MAGI2: variants seen among roughly 807,000 people sequenced by gnomAD.
MAGI2 encodes membrane associated guanylate kinase, WW and PDZ domain containing 2.
MAGI2 carries 35 observed loss-of-function variants against 133.3 expected under a neutral mutation model. That is an observed-to-expected ratio of 0.26 (90% CI 0.20 to 0.35). The LOEUF (loss-of-function observed/expected upper bound fraction) is 0.35. MAGI2 is among the 10% of genes least tolerant of loss of function. The pLI is 1.00. For missense variants in MAGI2, 1,636 were observed against 1,863.4 expected (o/e 0.88, Z 2.25); for synonymous variants, 729 against 710.6 (o/e 1.03, Z -0.41).
intron 7 of MAGI2, among the ~76,000 whole-genome samples, chr7:78,357,746 C>CA (rs1554363086): frequency 6.6e-6 from 1 of 150,986 alleles, no homozygotes; most frequent in Non-Finnish European, 1.5e-5. Flanking sequence ...AACAAAGAGC[C>CA]TTTTTTTTTC....
At chr7:78,630,400 T>C (rs1808840117) in intron 2 of MAGI2, among the ~76,000 whole-genome samples, 1 of 148,592 alleles carries the variant, frequency 6.7e-6, no homozygotes. Flanking sequence ...GTGTACTGAC[T>C]TTTTGTGTTT....
intron 2 of MAGI2, among the ~76,000 whole-genome samples, chr7:78,794,453 C>T (rs756732485): frequency 4.6e-5 from 7 of 152,094 alleles, no homozygotes; most frequent in Non-Finnish European, 1.0e-4. Flanking sequence ...AGACAGATAA[C>T]ATAAATTTTG....
At chr7:79,189,215 A>C (rs1827433039) in intron 1 of MAGI2, among the ~76,000 whole-genome samples, 1 of 150,188 alleles carries the variant, frequency 6.7e-6, no homozygotes, top group Admixed American at 6.7e-5. Flanking sequence ...CTGTTCTCAT[A>C]GGGAGTTCTA....
At chr7:78,692,349 T>C (rs527526750) in intron 2 of MAGI2, among the ~76,000 whole-genome samples, 7 of 152,208 alleles carry the variant, frequency 4.6e-5, no homozygotes, top group Non-Finnish European at 1.5e-5. Flanking sequence ...TGTCCACGGC[T>C]TCCCTCTAGA....
chr7:78,072,169 C>A (rs1388770427), intron 21 of MAGI2, among the ~76,000 whole-genome samples: 1 of 152,042 alleles, frequency 6.6e-6, no homozygotes, highest in Non-Finnish European at 1.5e-5. Flanking sequence ...AGAGATTTAC[C>A]CCCACTCAGC....
At chr7:78,513,190 A>C (rs1272209183) in intron 4 of MAGI2, among the ~76,000 whole-genome samples, 3 of 152,178 alleles carry the variant, frequency 2.0e-5, no homozygotes, top group Non-Finnish European at 2.9e-5. Flanking sequence ...GTTCCAGGAA[A>C]TTCAAAGGAG....
At chr7:78,499,565 G>A (rs1275668511) in intron 5 of MAGI2, among the ~76,000 whole-genome samples, 1 of 152,136 alleles carries the variant, frequency 6.6e-6, no homozygotes, top group Non-Finnish European at 1.5e-5. Context: ...TGGAACATAA[G>A]TTCTGTCTTT....
chr7:78,306,380 G>A (rs62463914), intron 9 of MAGI2, among the ~76,000 whole-genome samples: 6,945 of 152,188 alleles, frequency 0.046, 227 homozygotes, highest in South Asian at 0.12. Context: ...ACAGCACTTC[G>A]ATAAGTTATT....
intron 1 of MAGI2, chr7:79,410,620 T>C (rs1230133091): frequency 6.6e-6 from 1 of 152,104 alleles, no homozygotes; most frequent in Admixed American, 6.6e-5. Flanking sequence ...AAGGAAACAA[T>C]TAATTGACTA....
intron 1 of MAGI2, among the ~76,000 whole-genome samples, chr7:79,376,836 G>A: frequency 6.9e-6 from 1 of 145,232 alleles, no homozygotes; most frequent in Non-Finnish European, 1.5e-5. Flanking sequence ...GTGTGTGTGT[G>A]TGTGGGTGTA....
At chr7:78,679,601 A>T (rs897435245) in intron 2 of MAGI2, among the ~76,000 whole-genome samples, 1 of 152,210 alleles carries the variant, frequency 6.6e-6, no homozygotes, top group Non-Finnish European at 1.5e-5. Context: ...TCAAAGACAG[A>T]AAGTGTTCAC....
chr7:78,730,670 T>C (rs1045362662), intron 2 of MAGI2, among the ~76,000 whole-genome samples: 1 of 151,974 alleles, frequency 6.6e-6, no homozygotes, highest in African/African-American at 2.4e-5. Context: ...CACGGTAGAG[T>C]TGACTTTTAA....
At chr7:78,282,592 T>G (rs1243269459) in intron 9 of MAGI2, among the ~76,000 whole-genome samples, 1 of 152,066 alleles carries the variant, frequency 6.6e-6, no homozygotes, top group Non-Finnish European at 1.5e-5. Context: ...ACTGTAAGTT[T>G]CAGGAAAAAA....
chr7:79,007,889 A>G (rs1400261059), intron 1 of MAGI2, among the ~76,000 whole-genome samples: 1 of 151,262 alleles, frequency 6.6e-6, no homozygotes, highest in Non-Finnish European at 1.5e-5. Flanking sequence ...GTTTGAAAGA[A>G]TGTAGGGTTT....
intron 10 of MAGI2, among the ~76,000 whole-genome samples, chr7:78,228,097 C>T (rs535265568): frequency 6.6e-6 from 1 of 152,260 alleles, no homozygotes; most frequent in African/African-American, 2.4e-5. Context: ...ATTTTATGGA[C>T]ATTGAAATTT....
chr7:78,280,342 G>T (rs181344626), intron 9 of MAGI2, among the ~76,000 whole-genome samples: 98 of 152,202 alleles, frequency 6.4e-4, no homozygotes, highest in Middle Eastern at 3.4e-3. Context: ...TACCAAATTT[G>T]TATCTAATTT....
intron 21 of MAGI2, among the ~76,000 whole-genome samples, chr7:78,058,647 C>T (rs879515615): frequency 4.6e-5 from 7 of 151,908 alleles, no homozygotes; most frequent in Non-Finnish European, 8.8e-5. Context: ...AATTGTAATC[C>T]CAAAGTGCTG....
At chr7:78,889,146 T>A (rs1194002008) in intron 2 of MAGI2, among the ~76,000 whole-genome samples, 2 of 151,882 alleles carry the variant, frequency 1.3e-5, no homozygotes, top group Admixed American at 1.3e-4. Context: ...AAGATCAAAT[T>A]AATAAAATGA....
At chr7:78,604,012 A>G (rs764859698) in intron 3 of MAGI2, among the ~76,000 whole-genome samples, 6 of 151,314 alleles carry the variant, frequency 4.0e-5, no homozygotes, top group Non-Finnish European at 5.9e-5. Context: ...GGCACTAATG[A>G]AACATAAAAT....
Sources: gnomAD v4.1 joint callset for allele counts (sites outside exome capture counted in the v4.1 genomes callset) on GRCh38, gnomAD v4.1.1 for gene constraint, MANE v1.5 for transcripts, NCBI Gene and HGNC (gene_info 2026-07-23, HGNC 2026-07-21) for gene names.